Variants in COMMD1 observed in about 807,000 individuals in gnomAD.
COMMD1 encodes the protein COMM domain-containing protein 1.
In COMMD1, 10 loss-of-function variants were observed where a neutral mutation model predicts 17.2. That is an observed-to-expected ratio of 0.58 (90% CI 0.36 to 0.99). The LOEUF (loss-of-function observed/expected upper bound fraction) is 0.99. Among genes scored for constraint, COMMD1 ranks in the 50% least tolerant of loss-of-function variants. The pLI, the probability that COMMD1 is intolerant of heterozygous loss-of-function variation, is 0.01. For synonymous variants in COMMD1, 97 were observed against 91.6 expected (o/e 1.06, Z -0.34); for missense variants, 270 against 231.8 (o/e 1.17, Z -1.07).
chr2:61,988,390 G>A (rs1240306859), intron 1 of COMMD1, among the ~76,000 whole-genome samples: 1 of 152,174 alleles, frequency 6.6e-6, no homozygotes. Flanking sequence ...AATCCCGCCA[G>A]CAGTGGATCC....
At chr2:62,002,118 C>T (rs758693268) in intron 2 of COMMD1, among the ~76,000 whole-genome samples, 29 of 151,242 alleles carry the variant, frequency 1.9e-4, no homozygotes, top group Non-Finnish European at 3.4e-4. Flanking sequence ...TGCAGTGAGC[C>T]GAGATCATGC....
At chr2:62,114,121 G>A (rs941071152) in intron 2 of COMMD1, among the ~76,000 whole-genome samples, 1 of 152,032 alleles carries the variant, frequency 6.6e-6, no homozygotes, top group African/African-American at 2.4e-5. Context: ...TTGACAGAAG[G>A]AAAAACAGAA....
chr2:62,098,833 A>G (rs1672093077), intron 2 of COMMD1, among the ~76,000 whole-genome samples: 1 of 152,120 alleles, frequency 6.6e-6, no homozygotes, highest in Admixed American at 6.5e-5. Flanking sequence ...ATCATTCTTC[A>G]GCTTTGTTCT....
chr2:61,913,813 A>G (rs1437643318), intron 1 of COMMD1, among the ~76,000 whole-genome samples: 1 of 138,452 alleles, frequency 7.2e-6, no homozygotes, highest in Non-Finnish European at 1.5e-5. Context: ...AAAAAAAAAA[A>G]AAAAGAAAAG....
At chr2:61,943,348 A>T (rs372537307) in intron 1 of COMMD1, among the ~76,000 whole-genome samples, 6 of 152,230 alleles carry the variant, frequency 3.9e-5, no homozygotes, top group African/African-American at 1.4e-4. Flanking sequence ...GTGTTTTTTC[A>T]TTCCTAAATT....
chr2:61,996,215 T>C (rs544676819), intron 1 of COMMD1, among the ~76,000 whole-genome samples: 1 of 152,118 alleles, frequency 6.6e-6, no homozygotes, highest in Admixed American at 6.6e-5. Flanking sequence ...CTAAAAACTT[T>C]ATTGCTAAAA....
chr2:61,964,997 C>G, intron 1 of COMMD1, among the ~76,000 whole-genome samples: 1 of 152,096 alleles, frequency 6.6e-6, no homozygotes, highest in African/African-American at 2.4e-5. Context: ...GATCGTGCCA[C>G]TGTACTCCAG....
At chr2:62,018,547 A>G (rs1398615746) in intron 2 of COMMD1, among the ~76,000 whole-genome samples, 1 of 152,174 alleles carries the variant, frequency 6.6e-6, no homozygotes, top group Non-Finnish European at 1.5e-5. Flanking sequence ...TCAGTTTTTA[A>G]TGAGCATTAT....
In COMMD1 at chr2:61,925,095, C is replaced by T. The variant is rs890276883; in HGVS notation, c.180+19237C>T. Among the ~76,000 whole-genome samples the T allele has an allele frequency of 1.6e-4, 24 of 151,976 alleles. 1 individual carries two copies. In the East Asian group the frequency reaches 3.5e-3, roughly 22 times the overall value. ...TTGATGCATTGATGGTGGATGAAGT[C>T]GCCAGCAATGGGAGAGTCTAGGAGA... On this transcript the variant is annotated intron_variant, in intron 1 of 2. Transcript: ENST00000311832.
chr2:61,941,037 A>ACC (rs34628176), intron 1 of COMMD1, among the ~76,000 whole-genome samples: 24 of 128,082 alleles, frequency 1.9e-4, no homozygotes, highest in Admixed American at 4.4e-4. Flanking sequence ...TTTGTTAATA[A>ACC]CCCCCCCTTT....
chr2:62,080,761 A>G (rs1671491411), intron 2 of COMMD1, among the ~76,000 whole-genome samples: 2 of 149,248 alleles, frequency 1.3e-5, no homozygotes, highest in Admixed American at 6.9e-5. Context: ...AATCATACTT[A>G]TGGAGTTCTG....
chr2:62,013,105 A>G (rs985626344), intron 2 of COMMD1, among the ~76,000 whole-genome samples: 1 of 152,128 alleles, frequency 6.6e-6, no homozygotes, highest in African/African-American at 2.4e-5. Context: ...TGATTCACCT[A>G]TGGAGAATGG....
At chr2:61,905,619 CA>C (rs1669749300), upstream of COMMD1, 11 of 1,465,694 alleles carry the variant, frequency 7.5e-6, no homozygotes, top group Non-Finnish European at 9.1e-7. Context: ...TATTTAGGCA[CA>C]TCTCGGCCGC....
intron 2 of COMMD1, among the ~76,000 whole-genome samples, chr2:62,123,165 C>G (rs867500980): frequency 3.3e-5 from 5 of 152,056 alleles, no homozygotes; most frequent in African/African-American, 1.2e-4. Context: ...TCAAGACCAG[C>G]CTGGGCAACA....
intron 2 of COMMD1, among the ~76,000 whole-genome samples, chr2:62,060,160 C>G (rs1670820530): frequency 6.6e-6 from 1 of 151,980 alleles, no homozygotes; most frequent in Non-Finnish European, 1.5e-5. Flanking sequence ...GAAACCCTGT[C>G]TCTATGAAAA....
At chr2:62,106,155 G>A (rs1558602182) in intron 2 of COMMD1, among the ~76,000 whole-genome samples, 1 of 152,192 alleles carries the variant, frequency 6.6e-6, no homozygotes, top group Non-Finnish European at 1.5e-5. Flanking sequence ...AAGCCATTGT[G>A]CCTGGCAGAA....
intron 1 of COMMD1, among the ~76,000 whole-genome samples, chr2:61,907,400 C>T (rs932542039): frequency 1.3e-5 from 2 of 152,170 alleles, no homozygotes; most frequent in African/African-American, 2.4e-5. Flanking sequence ...CCACCCGGCC[C>T]GGCCAAATGC....
chr2:62,023,295 A>C (rs1669663782), intron 2 of COMMD1, among the ~76,000 whole-genome samples: 1 of 152,222 alleles, frequency 6.6e-6, no homozygotes, highest in Admixed American at 6.5e-5. Flanking sequence ...AGGAGTGGAA[A>C]ATGGAAAATG....
intron 2 of COMMD1, among the ~76,000 whole-genome samples, chr2:62,075,803 GCTAA>G (rs1208084292): frequency 3.3e-5 from 5 of 152,188 alleles, no homozygotes; most frequent in Non-Finnish European, 7.3e-5. Context: ...CTCAATAAAT[GCTAA>G]CTGACATAAA....
Sources: gnomAD v4.1 joint callset for allele counts (sites outside exome capture counted in the v4.1 genomes callset) on GRCh38, gnomAD v4.1.1 for gene constraint, MANE v1.5 for transcripts, NCBI Gene and HGNC (gene_info 2026-07-23, HGNC 2026-07-21) for gene names.